SUPT3H: variants seen among roughly 807,000 people sequenced by gnomAD.
SUPT3H encodes transcription initiation protein SPT3 homolog.
In SUPT3H, 44 loss-of-function variants were observed where a neutral mutation model predicts 44.3. The ratio of observed to expected loss-of-function variants is 0.99; its 90% CI spans 0.78 to 1.28. The LOEUF is 1.28. Ranked by LOEUF, SUPT3H falls within the 50% of genes most tolerant of loss-of-function variation. The pLI is 0.00. For missense variants in SUPT3H, 380 were observed against 387.1 expected, an observed-to-expected ratio of 0.98 and a Z score of 0.15; for synonymous variants, 124 against 125.6, an observed-to-expected ratio of 0.99 and a Z score of 0.09.
At position 45,111,243 on chromosome 6, in the gene SUPT3H, G is replaced by C. The variant is rs2153574245; in HGVS notation, c.102-5237C>G. On this transcript the variant is annotated intron_variant, in intron 2 of 10. Coordinates refer to ENST00000371459, the MANE Select transcript of SUPT3H (RefSeq NM_003599.4). ...AGACAGGGTTTCACCATGTTGGCCAGGCTGGTCTCGAACTCCTGACCTCGT... is the reference window on the plus strand; with the variant it reads ...AGACAGGGTTTCACCATGTTGGCCACGCTGGTCTCGAACTCCTGACCTCGT... 2.0e-5 allele frequency among the ~76,000 whole-genome samples: 3 copies of C among 152,162 alleles called. 1 individual carries two copies. The East Asian group carries it at 5.8e-4, about 29-fold the overall frequency.
chr6:45,196,653 G>C (rs1816082452), intron 2 of SUPT3H, among the ~76,000 whole-genome samples: 1 of 151,900 alleles, frequency 6.6e-6, no homozygotes, highest in Admixed American at 6.6e-5. Flanking sequence ...TTTTGCATTA[G>C]AGTGTTTAAT....
chr6:44,858,779 A>G (rs1008139399), intron 10 of SUPT3H, among the ~76,000 whole-genome samples: 1 of 152,176 alleles, frequency 6.6e-6, no homozygotes, highest in African/African-American at 2.4e-5. Context: ...AACTGTGTCA[A>G]CAGAGCTTTG....
At chr6:45,119,157 T>G (rs1801251743) in intron 2 of SUPT3H, among the ~76,000 whole-genome samples, 1 of 152,180 alleles carries the variant, frequency 6.6e-6, no homozygotes, top group Non-Finnish European at 1.5e-5. Context: ...AGCATTATTG[T>G]GGCAATAAAT....
In SUPT3H at chr6:44,933,791, G is replaced by C. The variant is rs114471066; in HGVS notation, c.802-1028C>G. 5.3e-3 allele frequency among the ~76,000 whole-genome samples: 804 copies of C among 152,254 alleles called. 5 individuals carry two copies. Among genetic ancestry groups the C allele is most frequent in the African/African-American group, 0.018 (750 of 41,544 alleles). On this transcript the variant is annotated intron_variant, in intron 9 of 10. Coordinates refer to ENST00000371459, the MANE Select transcript of SUPT3H (RefSeq NM_003599.4). ...CTGAAGTAGCTGAGACTAAAGGCAA[G>C]TGCCACCACATATGGCTAAAAAAAA...
Position 45,220,040 on chromosome 6 carries a change from C to CAAAAAAAAAAAAAAAAAAAAA in SUPT3H, c.102-114055_102-114035dup. The stretch of plus-strand genomic sequence containing the variant: ...GGTGACCGAGAGAGAGACTCTGTCT[C>CAAAAAAAAAAAAAAAAAAAAA]AAAAAAAAAAAAAAAAAAAAAAAAA... On this transcript the variant is annotated intron_variant, in intron 2 of 10. Coordinates refer to ENST00000371459, the MANE Select transcript of SUPT3H (RefSeq NM_003599.4). 6.1e-5 allele frequency among the ~76,000 whole-genome samples: 2 copies of CAAAAAAAAAAAAAAAAAAAAA among 33,010 alleles called. 1 individual carries two copies. The highest frequency in any genetic ancestry group is 9.7e-5 in the Non-Finnish European group (2 of 20,684). The allele number at this position is 33,010 out of a possible 152,430, so 21.7% of individuals were successfully genotyped here.
At chr6:45,062,703 C>G (rs1054328559) in intron 3 of SUPT3H, among the ~76,000 whole-genome samples, 1 of 152,112 alleles carries the variant, frequency 6.6e-6, no homozygotes, top group East Asian at 1.9e-4. Flanking sequence ...GGGTGACGGA[C>G]GCACCTGGAA....
intron 2 of SUPT3H, among the ~76,000 whole-genome samples, chr6:45,225,260 C>T (rs1766756063): frequency 1.6e-5 from 2 of 128,416 alleles, no homozygotes; most frequent in Admixed American, 8.5e-5. Context: ...GCCTGGACAA[C>T]AAGAGCGAAA....
rs114558101 is a variant in SUPT3H at position 45,162,435 on chromosome 6, G to A, written c.102-56429C>T. On this transcript the variant is annotated intron_variant, in intron 2 of 10. Transcript: ENST00000371459. ...GCTACTCAGGAGACTGAGGCAGGAG[G>A]AATACTTAAGCCCAGAGGTTTGAGG... Among the ~76,000 whole-genome samples the A allele has an allele frequency of 4.5e-3, 691 of 152,150 alleles. 11 individuals carry two copies. The highest frequency in any genetic ancestry group is 0.015 in the African/African-American group (642 of 41,486).
intron 10 of SUPT3H, among the ~76,000 whole-genome samples, chr6:44,921,001 G>A (rs1389384831): frequency 2.6e-5 from 4 of 152,020 alleles, no homozygotes; most frequent in Admixed American, 2.0e-4. Context: ...CCATCCTTTC[G>A]CCGTATCTAA....
At chr6:45,229,342 A>G (rs1485654881) in intron 2 of SUPT3H, among the ~76,000 whole-genome samples, 1 of 152,120 alleles carries the variant, frequency 6.6e-6, no homozygotes, top group Non-Finnish European at 1.5e-5. Flanking sequence ...CTACAAATCA[A>G]CTTATACTGA....
intron 4 of SUPT3H, 145 bp downstream of exon 4, chr6:45,020,401 G>T: frequency 3.4e-6 from 2 of 584,570 alleles, no homozygotes; most frequent in Non-Finnish European, 5.9e-6. Flanking sequence ...AACACATTTT[G>T]TCGTCCAAAC....
At chr6:45,234,756 A>G (rs1208190560) in intron 2 of SUPT3H, among the ~76,000 whole-genome samples, 1 of 152,154 alleles carries the variant, frequency 6.6e-6, no homozygotes, top group Non-Finnish European at 1.5e-5. Context: ...ATAGCTATCA[A>G]GTTACCCACT....
intron 3 of SUPT3H, among the ~76,000 whole-genome samples, chr6:45,022,253 T>A (rs1238474390): frequency 6.6e-6 from 1 of 152,036 alleles, no homozygotes; most frequent in Non-Finnish European, 1.5e-5. Flanking sequence ...GAAATATGTA[T>A]CCCTAAATAG....
chr6:45,047,572 A>G (rs1272721407), intron 3 of SUPT3H, among the ~76,000 whole-genome samples: 1 of 152,164 alleles, frequency 6.6e-6, no homozygotes, highest in Non-Finnish European at 1.5e-5. Flanking sequence ...CTATAGAAAG[A>G]AGGTTTTTAA....
chr6:45,176,115 C>A (rs1176878020), intron 2 of SUPT3H, among the ~76,000 whole-genome samples: 1 of 152,034 alleles, frequency 6.6e-6, no homozygotes, highest in Non-Finnish European at 1.5e-5. Context: ...CAGCTCCCAG[C>A]GTGAGCGACG....
chr6:45,232,742 C>T (rs1158940620), intron 2 of SUPT3H, among the ~76,000 whole-genome samples: 1 of 152,140 alleles, frequency 6.6e-6, no homozygotes, highest in Non-Finnish European at 1.5e-5. Flanking sequence ...CAGGTTCTTC[C>T]ACTCTCTGTG....
intron 2 of SUPT3H, among the ~76,000 whole-genome samples, chr6:45,163,503 T>C (rs931516562): frequency 6.6e-6 from 1 of 152,198 alleles, no homozygotes; most frequent in African/African-American, 2.4e-5. Flanking sequence ...AGCTGGATTA[T>C]TGGCTATGTC....
In SUPT3H at chr6:44,973,470, C is replaced by G. The variant is rs114937862; in HGVS notation, c.505-11642G>C. Among the ~76,000 whole-genome samples, 718 of 152,276 alleles carry G rather than the reference C, an allele frequency of 4.7e-3. 9 individuals are homozygous for G. The highest frequency in any genetic ancestry group is 0.016 in the African/African-American group (671 of 41,574). ...AGTCTGTAGGAATTTCCAAACTTTC[C>G]TACATCTTCATGTCTCCTGAGCCCT... On this transcript the variant is annotated intron_variant, in intron 6 of 10. Coordinates refer to ENST00000371459, the MANE Select transcript of SUPT3H (RefSeq NM_003599.4).
rs1447618743 is a variant in SUPT3H at position 45,352,900 on chromosome 6, T to C, written c.101+12301A>G. On this transcript the variant is annotated intron_variant, in intron 2 of 10. Coordinates refer to ENST00000371459, the MANE Select transcript of SUPT3H (RefSeq NM_003599.4). ...TAAACTGGTCATTTATTTCCAGCTA[T>C]GACTACCATTCAAAATTAAGACAAT... 6.6e-5 allele frequency among the ~76,000 whole-genome samples: 10 copies of C among 152,128 alleles called. No homozygotes were observed. In the East Asian group the frequency reaches 1.7e-3, roughly 26 times the overall value.
Sources: gnomAD v4.1 joint callset for allele counts (sites outside exome capture counted in the v4.1 genomes callset) on GRCh38, gnomAD v4.1.1 for gene constraint, MANE v1.5 for transcripts, NCBI Gene and HGNC (gene_info 2026-07-23, HGNC 2026-07-21) for gene names.